Variants in MCTP1 observed in about 807,000 individuals in gnomAD.
MCTP1 encodes multiple C2 and transmembrane domain-containing protein 1.
MCTP1 carries 69 observed loss-of-function variants against 120.6 expected under a neutral mutation model. The ratio of observed to expected loss-of-function variants is 0.57; its 90% CI spans 0.47 to 0.70. The LOEUF is 0.70. MCTP1 is among the 30% of genes least tolerant of loss of function. MCTP1 has a pLI of 0.00. For missense variants in MCTP1, 1,203 were observed against 1,248.8 expected (o/e 0.96, Z 0.55); for synonymous variants, 529 against 493.1 (o/e 1.07, Z -0.96).
At chr5:95,007,705 A>G (rs940906347) in intron 2 of MCTP1, among the ~76,000 whole-genome samples, 4 of 152,204 alleles carry the variant, frequency 2.6e-5, no homozygotes, top group Non-Finnish European at 5.9e-5. Flanking sequence ...GAAGTTCTCA[A>G]TTAGTGAGAC....
At chr5:94,871,070 A>G in intron 14 of MCTP1, 97 bp from the exon 15 acceptor site, 1 of 953,730 alleles carries the variant, frequency 1.0e-6, no homozygotes, top group South Asian at 1.4e-5. Flanking sequence ...ACTGACAGAG[A>G]ACCCAAAACA....
intron 2 of MCTP1, among the ~76,000 whole-genome samples, chr5:95,014,654 A>T (rs1404893563): frequency 6.6e-6 from 1 of 152,116 alleles, no homozygotes; most frequent in Non-Finnish European, 1.5e-5. Context: ...CCTAGCCATA[A>T]AATACTCCAG....
chr5:95,097,772 T>A (rs1756382266), intron 1 of MCTP1, among the ~76,000 whole-genome samples: 1 of 152,130 alleles, frequency 6.6e-6, no homozygotes, highest in Non-Finnish European at 1.5e-5. Context: ...GTAAAGGTGA[T>A]CTAATAATAG....
At chr5:94,867,130 A>G (rs767259738) in intron 17 of MCTP1, 2 of 1,006,204 alleles carry the variant, frequency 2.0e-6, no homozygotes, top group Non-Finnish European at 2.7e-6. Context: ...GGGAAAAATC[A>G]GAATAAAGTT....
At chr5:94,725,377 A>C (rs1216563362) in intron 19 of MCTP1, among the ~76,000 whole-genome samples, 1 of 152,202 alleles carries the variant, frequency 6.6e-6, no homozygotes, top group African/African-American at 2.4e-5. Context: ...TCAGTAGTTA[A>C]AGCTTGAGTG....
chr5:94,708,414 C>T, intron 22 of MCTP1, 98 bp downstream of exon 22: 5 of 721,092 alleles, frequency 6.9e-6, no homozygotes. Context: ...TTTTACTCAG[C>T]TCTTCTAAAG....
chr5:95,087,670 C>T (rs1333797992), intron 1 of MCTP1, among the ~76,000 whole-genome samples: 1 of 152,142 alleles, frequency 6.6e-6, no homozygotes, highest in Non-Finnish European at 1.5e-5. Context: ...AGGAAGTAGG[C>T]AAAAAGCAGC....
intron 19 of MCTP1, among the ~76,000 whole-genome samples, chr5:94,754,023 T>C (rs762481859): frequency 1.3e-5 from 2 of 152,230 alleles, no homozygotes; most frequent in Non-Finnish European, 1.5e-5. Flanking sequence ...TAGATGATTA[T>C]AAAATATATC....
At chr5:94,742,258 T>C (rs1765698332) in intron 19 of MCTP1, among the ~76,000 whole-genome samples, 1 of 152,218 alleles carries the variant, frequency 6.6e-6, no homozygotes, top group Non-Finnish European at 1.5e-5. Context: ...TTTTGCCATG[T>C]TGCCCAGGCT....
At chr5:94,980,492 T>G (rs1418423593) in intron 2 of MCTP1, among the ~76,000 whole-genome samples, 1 of 152,168 alleles carries the variant, frequency 6.6e-6, no homozygotes, top group African/African-American at 2.4e-5. Context: ...AATTTCCTTT[T>G]GAAATTCAAT....
intron 1 of MCTP1, among the ~76,000 whole-genome samples, chr5:95,177,596 C>T (rs1416542668): frequency 1.3e-5 from 2 of 152,144 alleles, no homozygotes; most frequent in African/African-American, 4.8e-5. Context: ...ATATGCTTTG[C>T]CATCTGTGCA....
At chr5:95,045,679 T>G (rs2151945079) in intron 1 of MCTP1, among the ~76,000 whole-genome samples, 1 of 152,290 alleles carries the variant, frequency 6.6e-6, no homozygotes, top group African/African-American at 2.4e-5. Context: ...AGTCAAAAGC[T>G]ATGGTGACCT....
intron 1 of MCTP1, among the ~76,000 whole-genome samples, chr5:95,239,989 G>A (rs926439644): frequency 5.9e-5 from 9 of 151,944 alleles, no homozygotes; most frequent in South Asian, 2.1e-4. Context: ...ATGGGTTAAC[G>A]ATTCTACAAA....
At chr5:94,711,856 A>T (rs1757157638) in intron 20 of MCTP1, among the ~76,000 whole-genome samples, 1 of 152,190 alleles carries the variant, frequency 6.6e-6, no homozygotes, top group South Asian at 2.1e-4. Context: ...GAACTGGAAC[A>T]TGGGAAGATT....
intron 10 of MCTP1, among the ~76,000 whole-genome samples, chr5:94,906,136 A>T (rs1355456377): frequency 1.3e-5 from 2 of 152,154 alleles, no homozygotes; most frequent in Non-Finnish European, 2.9e-5. Context: ...CATTGACAGG[A>T]GTAGTTTTGG....
chr5:95,181,999 A>T (rs2152516105), intron 1 of MCTP1, among the ~76,000 whole-genome samples: 1 of 152,354 alleles, frequency 6.6e-6, no homozygotes, highest in Middle Eastern at 3.4e-3. Context: ...GACAACAAAG[A>T]TGAAAAAGCA....
chr5:94,724,248 C>T (rs887710585), intron 19 of MCTP1, among the ~76,000 whole-genome samples: 10 of 151,880 alleles, frequency 6.6e-5, no homozygotes, highest in Non-Finnish European at 1.5e-4. Context: ...CTGAAGAACC[C>T]CCCAACTTTT....
intron 19 of MCTP1, among the ~76,000 whole-genome samples, chr5:94,764,698 T>C (rs545636136): frequency 6.6e-6 from 1 of 151,842 alleles, no homozygotes; most frequent in Non-Finnish European, 1.5e-5. Flanking sequence ...TATAAATATA[T>C]ATGCACCTAA....
chr5:94,983,024 G>T (rs1829776472), intron 2 of MCTP1, among the ~76,000 whole-genome samples: 1 of 151,526 alleles, frequency 6.6e-6, no homozygotes, highest in African/African-American at 2.4e-5. Context: ...GATTTAACAT[G>T]CTACTGCTGT....
Sources: gnomAD v4.1 joint callset for allele counts (sites outside exome capture counted in the v4.1 genomes callset) on GRCh38, gnomAD v4.1.1 for gene constraint, MANE v1.5 for transcripts, NCBI Gene and HGNC (gene_info 2026-07-23, HGNC 2026-07-21) for gene names.